CCDC13: variants seen among roughly 807,000 people sequenced by gnomAD.
CCDC13 encodes coiled-coil domain-containing protein 13.
CCDC13 carries 70 observed loss-of-function variants against 87.3 expected under a neutral mutation model. That is an observed-to-expected ratio of 0.80 (90% CI 0.66 to 0.98). The LOEUF is 0.98. Among genes scored for constraint, CCDC13 ranks in the 50% least tolerant of loss-of-function variants. The probability of loss-of-function intolerance (pLI) is 0.00; values close to 1 mark genes in which losing one functional copy is unlikely to be tolerated. For synonymous variants in CCDC13, 317 were observed against 360.3 expected (o/e 0.88, Z 1.36); for missense variants, 842 against 892.0 (o/e 0.94, Z 0.71).
intron 5 of CCDC13, among the ~76,000 whole-genome samples, chr3:42,747,818 A>G (rs1186822073): frequency 2.0e-5 from 3 of 152,180 alleles, no homozygotes; most frequent in Admixed American, 1.3e-4. Context: ...CACTCAGAAT[A>G]AAGAGGAAAC....
At chr3:42,731,744 A>T (rs1698837861) in intron 12 of CCDC13, among the ~76,000 whole-genome samples, 3 of 152,066 alleles carry the variant, frequency 2.0e-5, no homozygotes, top group Admixed American at 6.5e-5. Context: ...ATGGGTTCAA[A>T]CCATGCCAGC....
In CCDC13 at chr3:42,709,010, G is replaced by A; in HGVS notation, c.2118C>T (p.Ala706=). The part of the protein sequence containing the change: ...LGQVKSVFLQ[A]LRQQKTGKQ ...GCTTGCCTGTCTTCTGCTGCCGCAG[G>A]GCCTGCAGGAAGACACTTTTCACCT... The change falls in exon 16 of 16, where the codon GCC becomes GCT. Residue 706 remains alanine (A), a synonymous_variant. Transcript: ENST00000310232. The A allele has an allele frequency of 6.2e-7, 1 of 1,613,450 alleles. No homozygotes were observed. The highest frequency in any genetic ancestry group is 1.7e-5 in the Admixed American group (1 of 59,950).
At chr3:42,762,392 G>A (rs1235181531) in intron 1 of CCDC13, among the ~76,000 whole-genome samples, 1 of 152,204 alleles carries the variant, frequency 6.6e-6, no homozygotes, top group Non-Finnish European at 1.5e-5. Flanking sequence ...TGATGAGAGT[G>A]TTTTTCTTCA....
At chr3:42,750,277 C>T (rs1349807632) in intron 5 of CCDC13, among the ~76,000 whole-genome samples, 2 of 152,180 alleles carry the variant, frequency 1.3e-5, no homozygotes, top group Non-Finnish European at 2.9e-5. Context: ...CCAGTAAGGC[C>T]AGCTCAGGGA....
Position 42,743,017 on chromosome 3 carries a change from T to C in CCDC13, c.866A>G (p.Gln289Arg). 1.9e-6 allele frequency: 3 copies of C among 1,614,216 alleles called. No individual in the cohort carries two copies. Among genetic ancestry groups the C allele is most frequent in the Admixed American group, 3.3e-5 (2 of 60,024 alleles). The change falls in exon 8 of 16, where the codon CAG (glutamine) becomes CGG (arginine). Residue 289 changes from glutamine to arginine, a missense_variant. Physicochemically the swap from Gln to Arg is conservative, Grantham distance 43 (BLOSUM62 1). Coordinates refer to ENST00000310232, the MANE Select transcript of CCDC13 (RefSeq NM_144719.4). ...LEKQLGQARS[Q>R]SAGTASDELS... is the part of the protein sequence containing the mutation. ...CTCATCACTGGCTGTTCCCGCAGACTGGCTCCGGGCCTGGCCCAATTGCTT... is the reference window on the plus strand; with the variant it reads ...CTCATCACTGGCTGTTCCCGCAGACCGGCTCCGGGCCTGGCCCAATTGCTT...
At chr3:42,718,331 AG>A (rs1698478934) in intron 13 of CCDC13, among the ~76,000 whole-genome samples, 1 of 152,222 alleles carries the variant, frequency 6.6e-6, no homozygotes, top group African/African-American at 2.4e-5. Flanking sequence ...CGGCAATGCC[AG>A]GAAGTTACCC....
chr3:42,768,912 T>C (rs772457043), intron 1 of CCDC13, among the ~76,000 whole-genome samples: 2 of 151,756 alleles, frequency 1.3e-5, no homozygotes, highest in Non-Finnish European at 2.9e-5. Flanking sequence ...CTGAGGTGGG[T>C]GGATCACCTG....
At chr3:42,759,970 A>G (rs1699793324) in intron 1 of CCDC13, among the ~76,000 whole-genome samples, 1 of 152,160 alleles carries the variant, frequency 6.6e-6, no homozygotes, top group Non-Finnish European at 1.5e-5. Context: ...TAGTCAGTCT[A>G]AATTTTAGAC....
intron 7 of CCDC13, chr3:42,744,906 C>A (rs973249829): frequency 6.6e-6 from 1 of 150,658 alleles, no homozygotes; most frequent in African/African-American, 2.4e-5. Context: ...GTCCTAGGTG[C>A]TTTACAAATG....
rs1330405010 is a variant in CCDC13 at position 42,773,180 on chromosome 3, G to C, written c.-11C>G. ...TCCGCTCTCCCCGGCACTTACAGCG[G>C]TCTCTCTCCACTTCTCCCTTCTAGG... is the stretch of plus-strand genomic sequence containing the variant. On this transcript the variant is annotated 5_prime_UTR_variant, in exon 1 of 16. Coordinates refer to ENST00000310232, the MANE Select transcript of CCDC13 (RefSeq NM_144719.4). 1 of 152,208 alleles carries C rather than the reference G, an allele frequency of 6.6e-6. No homozygotes were observed. Among genetic ancestry groups the C allele is most frequent in the Non-Finnish European group, 1.5e-5 (1 of 68,056 alleles). 9.4% of individuals were successfully genotyped at this position (152,208 alleles called of 1,614,324 possible).
At position 42,711,737 on chromosome 3, in the gene CCDC13, G is replaced by A. The variant is rs181086188; in HGVS notation, c.1873+1425C>T. On this transcript the variant is annotated intron_variant, in intron 14 of 15. Transcript: ENST00000310232. ...TATAAATCTAGCCTCCTCATTTTAC[G>A]GATGGGCCAGGGGGAGGCGGGTAAG... Among the ~76,000 whole-genome samples, 9 of 152,334 alleles carry A rather than the reference G, an allele frequency of 5.9e-5. 1 individual carries two copies. In the East Asian group the frequency reaches 1.4e-3, roughly 23 times the overall value.
intron 14 of CCDC13, among the ~76,000 whole-genome samples, chr3:42,710,799 C>T (rs542201196): frequency 6.6e-6 from 1 of 152,300 alleles, no homozygotes; most frequent in African/African-American, 2.4e-5. Flanking sequence ...GAGTGTTCTT[C>T]AGGGCCTTTC....
At chr3:42,766,512 A>C (rs1559665233) in intron 1 of CCDC13, among the ~76,000 whole-genome samples, 1 of 149,646 alleles carries the variant, frequency 6.7e-6, no homozygotes, top group African/African-American at 2.5e-5. Context: ...AAGTGAAAGG[A>C]GGGGAGGTAA....
chr3:42,753,876 G>A (rs1699644583), intron 3 of CCDC13, among the ~76,000 whole-genome samples: 1 of 152,210 alleles, frequency 6.6e-6, no homozygotes, highest in Non-Finnish European at 1.5e-5. Flanking sequence ...AGTGGGCAAA[G>A]GAAGGAGGCT....
At chr3:42,742,753 C>T in intron 8 of CCDC13, 143 bp downstream of exon 8, 1 of 969,080 alleles carries the variant, frequency 1.0e-6, no homozygotes, top group Non-Finnish European at 1.6e-6. Context: ...GAGGAACATG[C>T]AGAGGTGACC....
intron 15 of CCDC13, 89 bp downstream of exon 15, chr3:42,709,595 T>C: frequency 1.9e-6 from 2 of 1,052,726 alleles, no homozygotes; most frequent in Non-Finnish European, 2.9e-6. Context: ...GAGTCAAAAG[T>C]GCAAGGGGAG....
chr3:42,742,683 C>A (rs551156248), intron 8 of CCDC13, among the ~76,000 whole-genome samples: 3 of 152,262 alleles, frequency 2.0e-5, no homozygotes, highest in South Asian at 2.1e-4. Flanking sequence ...ACGAAAAGTT[C>A]ATTAAATGGG....
At chr3:42,721,317 A>G (rs1405845114) in intron 13 of CCDC13, among the ~76,000 whole-genome samples, 2 of 152,228 alleles carry the variant, frequency 1.3e-5, no homozygotes, top group Non-Finnish European at 2.9e-5. Context: ...AATCAACTAC[A>G]GGACTTTGAC....
intron 1 of CCDC13, among the ~76,000 whole-genome samples, chr3:42,765,798 GA>G (rs1699919784): frequency 6.6e-6 from 1 of 152,182 alleles, no homozygotes. Flanking sequence ...CATGTGCAGA[GA>G]ATGTGATGAG....
Sources: gnomAD v4.1 joint callset for allele counts (sites outside exome capture counted in the v4.1 genomes callset) on GRCh38, gnomAD v4.1.1 for gene constraint, MANE v1.5 for transcripts, NCBI Gene and HGNC (gene_info 2026-07-23, HGNC 2026-07-21) for gene names.